Variants in DLGAP1 observed in about 807,000 individuals in gnomAD.
DLGAP1 encodes disks large-associated protein 1.
DLGAP1 carries 11 observed loss-of-function variants against 90.8 expected under a neutral mutation model. The observed-to-expected ratio is 0.12, with a 90% CI of 0.08 to 0.20. DLGAP1 has a LOEUF of 0.20. Among genes scored for constraint, DLGAP1 ranks in the 10% least tolerant of loss-of-function variants. The probability of loss-of-function intolerance (pLI) is 1.00; values close to 1 mark genes in which losing one functional copy is unlikely to be tolerated. For missense variants in DLGAP1, 1,050 were observed against 1,333.8 expected (o/e 0.79, Z 3.31); for synonymous variants, 558 against 540.7 (o/e 1.03, Z -0.44).
At chr18:4,119,278 G>C (rs1263786886) in intron 2 of DLGAP1, among the ~76,000 whole-genome samples, 1 of 152,006 alleles carries the variant, frequency 6.6e-6, no homozygotes, top group Non-Finnish European at 1.5e-5. Context: ...TCTTTTTGTA[G>C]AGATGGGTTC....
chr18:3,612,026 A>G (rs1340388959), intron 7 of DLGAP1, among the ~76,000 whole-genome samples: 4 of 152,186 alleles, frequency 2.6e-5, no homozygotes, highest in Non-Finnish European at 5.9e-5. Flanking sequence ...TATCAAATGA[A>G]CAAATAATTC....
chr18:3,617,878 T>C (rs1195580756), intron 7 of DLGAP1, among the ~76,000 whole-genome samples: 1 of 149,374 alleles, frequency 6.7e-6, no homozygotes. Context: ...CTACTAAAAA[T>C]ACAAAAAAAT....
chr18:4,069,995 T>C (rs2075423932), intron 2 of DLGAP1, among the ~76,000 whole-genome samples: 1 of 152,078 alleles, frequency 6.6e-6, no homozygotes, highest in South Asian at 2.1e-4. Flanking sequence ...TTTCTTTTTT[T>C]TTTTTGAGAC....
chr18:4,202,094 T>TA (rs1167386622), intron 1 of DLGAP1, among the ~76,000 whole-genome samples: 7 of 151,926 alleles, frequency 4.6e-5, no homozygotes, highest in African/African-American at 1.2e-4. Flanking sequence ...AAGTGATTAG[T>TA]AGATATAGAA....
chr18:3,720,727 G>C (rs2061941751), intron 7 of DLGAP1, among the ~76,000 whole-genome samples: 1 of 151,704 alleles, frequency 6.6e-6, no homozygotes, highest in African/African-American at 2.4e-5. Context: ...GATTATGAAG[G>C]CTTTTTTAAA....
intron 2 of DLGAP1, among the ~76,000 whole-genome samples, chr18:4,034,784 A>G (rs1410293904): frequency 2.0e-5 from 3 of 152,182 alleles, no homozygotes; most frequent in Non-Finnish European, 4.4e-5. Context: ...TGGTGGGCCC[A>G]TGAAAGAAAC....
chr18:3,820,876 A>C (rs2067370565), intron 4 of DLGAP1, among the ~76,000 whole-genome samples: 1 of 152,112 alleles, frequency 6.6e-6, no homozygotes. Context: ...AAAAAATCTG[A>C]CAATTATGGA....
chr18:3,606,043 C>T (rs1413811485), intron 7 of DLGAP1, among the ~76,000 whole-genome samples: 4 of 152,126 alleles, frequency 2.6e-5, no homozygotes, highest in Non-Finnish European at 4.4e-5. Flanking sequence ...CTGTGGTTTG[C>T]TATTAGATGG....
At chr18:4,362,993 A>G (rs1387587447) in intron 1 of DLGAP1, among the ~76,000 whole-genome samples, 3 of 152,070 alleles carry the variant, frequency 2.0e-5, no homozygotes, top group African/African-American at 7.2e-5. Flanking sequence ...ACTGGAAGCA[A>G]TGTCGATGGC....
At chr18:4,354,985 G>C (rs371248930) in intron 1 of DLGAP1, among the ~76,000 whole-genome samples, 1 of 143,266 alleles carries the variant, frequency 7.0e-6, no homozygotes, top group Non-Finnish European at 1.5e-5. Context: ...CAAAATGCTC[G>C]CCAGGATGCA....
At chr18:3,601,332 C>T (rs1330538954) in intron 7 of DLGAP1, among the ~76,000 whole-genome samples, 4 of 151,960 alleles carry the variant, frequency 2.6e-5, no homozygotes, top group Admixed American at 6.6e-5. Context: ...GCAATCCACC[C>T]GCCTCGGCCT....
chr18:4,395,372 A>C (rs2082418104), intron 1 of DLGAP1, among the ~76,000 whole-genome samples: 1 of 120,364 alleles, frequency 8.3e-6, no homozygotes, highest in Non-Finnish European at 2.0e-5. Context: ...AAACTTAATC[A>C]AAATCAAATA....
rs117644541 is a variant in DLGAP1, at chr18:3,645,183, C to T, written c.1592-62935G>A. Among the ~76,000 whole-genome samples, 1,225 of 152,150 alleles carry T rather than the reference C, an allele frequency of 8.1e-3. 74 individuals carry two copies. The East Asian group carries it at 0.17, about 21-fold the overall frequency. ...GAGGAATCACAGCTCACTGCAGCCT[C>T]GACTTCCCAGGTGAGAGGATCACCT... is the stretch of plus-strand genomic sequence containing the variant. On this transcript the variant is annotated intron_variant, in intron 7 of 12. Transcript: ENST00000315677.
chr18:3,930,596 G>A (rs899498242), intron 3 of DLGAP1, among the ~76,000 whole-genome samples: 8 of 152,094 alleles, frequency 5.3e-5, no homozygotes, highest in Admixed American at 2.6e-4. Context: ...TGGACGCCAC[G>A]GCCTGTGACT....
At chr18:4,178,525 G>A (rs745939283) in intron 1 of DLGAP1, among the ~76,000 whole-genome samples, 21 of 152,120 alleles carry the variant, frequency 1.4e-4, no homozygotes, top group Non-Finnish European at 2.8e-4. Context: ...ATAGTGACTA[G>A]TATGGTGCTT....
At chr18:3,908,098 C>A (rs759955547) in intron 3 of DLGAP1, among the ~76,000 whole-genome samples, 2 of 152,154 alleles carry the variant, frequency 1.3e-5, no homozygotes, top group African/African-American at 2.4e-5. Flanking sequence ...CATAGGAAAG[C>A]AATGTGCAGT....
intron 1 of DLGAP1, among the ~76,000 whole-genome samples, chr18:4,306,019 CAG>C (rs1491047982): frequency 4.0e-5 from 4 of 99,158 alleles, no homozygotes; most frequent in Admixed American, 2.7e-4. Flanking sequence ...CACACACACA[CAG>C]ACACACACAA....
intron 5 of DLGAP1, among the ~76,000 whole-genome samples, chr18:3,799,219 A>G (rs894896385): frequency 1.3e-5 from 2 of 152,152 alleles, no homozygotes; most frequent in Middle Eastern, 3.2e-3. Flanking sequence ...CAGAGAAGTC[A>G]CTCACATAAG....
chr18:3,507,130 T>G (rs1024434505), intron 11 of DLGAP1, among the ~76,000 whole-genome samples: 3 of 152,092 alleles, frequency 2.0e-5, no homozygotes, highest in African/African-American at 4.8e-5. Flanking sequence ...TTTCTCTCGG[T>G]TGATCCCTGT....
Sources: allele counts gnomAD v4.1 joint callset (sites outside exome capture counted in the v4.1 genomes callset), GRCh38; gene constraint gnomAD v4.1.1; transcripts MANE v1.5; gene names NCBI Gene and HGNC (gene_info 2026-07-23, HGNC 2026-07-21).